ATAD3B: variants seen among roughly 807,000 people sequenced by gnomAD.
ATAD3B encodes the protein ATPase family AAA domain containing 3B.
A neutral mutation model predicts 70.2 loss-of-function variants in ATAD3B; 59 were observed. The ratio of observed to expected loss-of-function variants is 0.84; its 90% CI spans 0.68 to 1.04. ATAD3B has a LOEUF of 1.04. Among genes scored for constraint, ATAD3B ranks in the 50% least tolerant of loss-of-function variants. The pLI is 0.00. For synonymous variants in ATAD3B, 423 were observed against 388.6 expected (o/e 1.09, Z -1.04); for missense variants, 961 against 913.4 (o/e 1.05, Z -0.67).
At chr1:1,476,778 G>T (rs962754557) in intron 1 of ATAD3B, among the ~76,000 whole-genome samples, 8 of 151,884 alleles carry the variant, frequency 5.3e-5, no homozygotes, top group Non-Finnish European at 1.5e-5. Context: ...AAAGTGCTGG[G>T]ATTACAGGCG....
chr1:1,478,421 G>C (rs559217728), intron 2 of ATAD3B: 3 of 1,512,162 alleles, frequency 2.0e-6, no homozygotes, highest in South Asian at 2.6e-5. Flanking sequence ...CTCCCTCCCC[G>C]GGGGCCTTCG....
At chr1:1,480,599 A>T (rs987670578) in intron 4 of ATAD3B, among the ~76,000 whole-genome samples, 1 of 147,096 alleles carries the variant, frequency 6.8e-6, no homozygotes, top group African/African-American at 2.5e-5. Flanking sequence ...TGGTGTTGGG[A>T]GGTCGGCCCG....
intron 1 of ATAD3B, among the ~76,000 whole-genome samples, chr1:1,474,717 G>T (rs951953767): frequency 6.6e-6 from 1 of 151,908 alleles, no homozygotes; most frequent in Non-Finnish European, 1.5e-5. Flanking sequence ...GTTTAGGCTG[G>T]TCTTGAATTC....
In ATAD3B at chr1:1,474,527, T is replaced by C. The variant is rs143825247; in HGVS notation, c.205+2438T>C. On this transcript the variant is annotated intron_variant, in intron 1 of 15. Transcript: ENST00000673477. The stretch of plus-strand genomic sequence containing the variant: ...TTTTCTGTGTGTTTTTGAGACTGAG[T>C]CTGGCTCTGCCGCCCAGGCTGGAAT... Among the ~76,000 whole-genome samples, 356 of 141,706 alleles carry C rather than the reference T, an allele frequency of 2.5e-3. 4 individuals are homozygous for C. The highest frequency in any genetic ancestry group is 4.6e-3 in the Non-Finnish European group (296 of 64,942). The allele number at this position is 141,706 out of a possible 152,430, so 93.0% of individuals were successfully genotyped here.
chr1:1,488,004 G>T (rs1249409606), intron 12 of ATAD3B, 90 bp downstream of exon 12: 3 of 1,549,106 alleles, frequency 1.9e-6, no homozygotes, highest in Non-Finnish European at 2.7e-6. Flanking sequence ...CCTTAAGCTG[G>T]CTTGCAGTGG....
intron 14 of ATAD3B, 60 bp downstream of exon 14, chr1:1,490,484 A>G (rs759267549): frequency 5.9e-5 from 95 of 1,610,452 alleles, no homozygotes; most frequent in Non-Finnish European, 7.6e-5. Flanking sequence ...GGTGTAGGCC[A>G]GCTGCCTGTC....
downstream of ATAD3B, among the ~76,000 whole-genome samples, chr1:1,502,534 C>CA (rs1640968191): frequency 1.3e-5 from 1 of 79,632 alleles, no homozygotes; most frequent in Non-Finnish European, 2.2e-5. Context: ...TTTTTTGAGA[C>CA]AGAGTCATGC....
chr1:1,476,169 T>G (rs1029783759), intron 1 of ATAD3B, among the ~76,000 whole-genome samples: 1 of 145,360 alleles, frequency 6.9e-6, no homozygotes, highest in Non-Finnish European at 1.5e-5. Flanking sequence ...GCCCCCGAGG[T>G]TAGCTACCAA....
intron 8 of ATAD3B, 130 bp from the exon 9 acceptor site, chr1:1,485,652 C>T (rs1412169321): frequency 2.1e-6 from 3 of 1,436,850 alleles, no homozygotes; most frequent in Non-Finnish European, 2.9e-6. Context: ...AGGGTTCCAG[C>T]TCCGGGCCGG....
chr1:1,503,794 G>A, the ATAD3B span: 4 of 1,356,942 alleles, frequency 2.9e-6, no homozygotes, highest in Non-Finnish European at 4.1e-6. Context: ...GGCCGAGCTT[G>A]GGCGCCTCAT....
In ATAD3B at chr1:1,486,373, G is replaced by A. The variant is rs1304265120; in HGVS notation, c.1089+138G>A. On this transcript the variant is annotated intron_variant, in intron 10 of 15. Transcript: ENST00000673477. ...ACCCTCGTGTAGGCTCAGGGTGCTGGTGTGGGCAGCAGCGCCTCCCATCTT... is the reference window on the plus strand; with the variant it reads ...ACCCTCGTGTAGGCTCAGGGTGCTGATGTGGGCAGCAGCGCCTCCCATCTT... 5.1e-5 allele frequency: 81 copies of A among 1,576,674 alleles called. 2 individuals carry two copies. In the South Asian group the frequency reaches 7.8e-4, roughly 15 times the overall value.
At chr1:1,473,114 C>A (rs1639415715) in intron 1 of ATAD3B, among the ~76,000 whole-genome samples, 2 of 147,394 alleles carry the variant, frequency 1.4e-5, no homozygotes, top group Admixed American at 6.8e-5. Context: ...TGAGCCACAG[C>A]GCCCAGACAG....
intron 7 of ATAD3B, chr1:1,483,498 C>T (rs1640035495): frequency 5.2e-6 from 1 of 190,712 alleles, no homozygotes; most frequent in Non-Finnish European, 1.1e-5. Context: ...TAAGCCAGGC[C>T]TGGTGGCTCA....
At chr1:1,499,948 C>T (rs377377247), downstream of ATAD3B, among the ~76,000 whole-genome samples, 27 of 141,742 alleles carry the variant, frequency 1.9e-4, no homozygotes, top group South Asian at 5.9e-3. Flanking sequence ...AGGCTGGAGT[C>T]GTCCAGTGGC....
rs994324988 is a variant in ATAD3B at position 1,495,876 on chromosome 1, C to G, written c.*59C>G. On this transcript the variant is annotated 3_prime_UTR_variant, in exon 16 of 16. Coordinates refer to ENST00000673477, the MANE Select transcript of ATAD3B (RefSeq NM_031921.6). ...CCCCTCGAGACACTCTTGGGAGATGCATTTTCCGTCTGGCTCACAGGGGGA... is the reference window on the plus strand; with the variant it reads ...CCCCTCGAGACACTCTTGGGAGATGGATTTTCCGTCTGGCTCACAGGGGGA... The G allele has an allele frequency of 3.0e-5, 45 of 1,489,800 alleles. No homozygotes were observed. The Admixed American group carries it at 8.1e-4, about 27-fold the overall frequency. 92.3% of individuals were successfully genotyped at this position (1,489,800 alleles called of 1,614,324 possible). A position where few individuals can be genotyped will look rare whatever the true frequency, so the allele number is the denominator to read the frequency against.
chr1:1,484,959 G>A, intron 7 of ATAD3B, 57 bp from the exon 8 acceptor site: 2 of 1,559,604 alleles, frequency 1.3e-6, no homozygotes. Flanking sequence ...TGCGTCTCCT[G>A]CTCTAGGAGG....
At chr1:1,494,883 G>A (rs1640705338) in intron 15 of ATAD3B, among the ~76,000 whole-genome samples, 5 of 151,974 alleles carry the variant, frequency 3.3e-5, no homozygotes, top group Admixed American at 3.3e-4. Context: ...CACGCCCTTC[G>A]CTGGCACTGA....
intron 4 of ATAD3B, among the ~76,000 whole-genome samples, chr1:1,479,890 GCACACGCCCACA>G (rs1639813246): frequency 7.5e-6 from 1 of 134,216 alleles, no homozygotes; most frequent in Non-Finnish European, 1.6e-5. Context: ...ACACGGGCAT[GCACACGCCCACA>G]CACACGGGCG....
In ATAD3B at chr1:1,494,201, G is replaced by C. The variant is rs542793997; in HGVS notation, c.1615-1284G>C. 1.1e-3 allele frequency among the ~76,000 whole-genome samples: 164 copies of C among 151,924 alleles called. 1 individual carries two copies. The highest frequency in any genetic ancestry group is 6.8e-3 in the Middle Eastern group (2 of 294). On this transcript the variant is annotated intron_variant, in intron 15 of 15. Transcript: ENST00000673477. Reference sequence around the variant, plus strand: ...TTTTGCCCCAGAATCCCACCCAGGAGGCCACGTGACATTTAGCTGTCACTT... The same window carrying C: ...TTTTGCCCCAGAATCCCACCCAGGACGCCACGTGACATTTAGCTGTCACTT...
Sources: gnomAD v4.1 joint callset for allele counts (sites outside exome capture counted in the v4.1 genomes callset) on GRCh38, gnomAD v4.1.1 for gene constraint, MANE v1.5 for transcripts, NCBI Gene and HGNC (gene_info 2026-07-23, HGNC 2026-07-21) for gene names.